Variants in PPP2R5D observed in about 807,000 individuals in gnomAD.
The protein encoded by PPP2R5D is protein phosphatase 2 regulatory subunit B'delta.
Under a neutral mutation model 79.1 loss-of-function variants are expected in PPP2R5D, and 12 were observed. The observed-to-expected ratio is 0.15, with a 90% CI of 0.10 to 0.25. PPP2R5D has a LOEUF of 0.25. Among genes scored for constraint, PPP2R5D ranks in the 10% least tolerant of loss-of-function variants. The probability of loss-of-function intolerance (pLI) is 1.00; values close to 1 mark genes in which losing one functional copy is unlikely to be tolerated. For missense variants in PPP2R5D, 419 were observed against 760.2 expected (o/e 0.55, Z 5.28); for synonymous variants, 277 against 286.6 (o/e 0.97, Z 0.34).
chr6:42,991,050 T>C (rs776625920), intron 2 of PPP2R5D, among the ~76,000 whole-genome samples: 10 of 152,188 alleles, frequency 6.6e-5, no homozygotes, highest in Non-Finnish European at 1.3e-4. Context: ...ATAATCCTTA[T>C]CACTCAGCTC....
chr6:42,999,504 G>A (rs1561844952), intron 2 of PPP2R5D, among the ~76,000 whole-genome samples: 1 of 152,142 alleles, frequency 6.6e-6, no homozygotes, highest in Non-Finnish European at 1.5e-5. Flanking sequence ...ATAACACAAT[G>A]CTAGTGTAGA....
Position 43,011,337 on chromosome 6 carries a change from G to T in PPP2R5D, c.*51G>T. On this transcript the variant is annotated 3_prime_UTR_variant, in exon 16 of 16. Coordinates refer to ENST00000485511, the MANE Select transcript of PPP2R5D (RefSeq NM_006245.4). ...ACAGCCCACACAGCCCTGGGACACT[G>T]CCCTGGCCCTCCATACTCTGCTCCC... 1.9e-6 allele frequency: 3 copies of T among 1,608,662 alleles called. No homozygotes were observed. Among genetic ancestry groups the T allele is most frequent in the African/African-American group, 2.7e-5 (2 of 74,894 alleles).
intron 1 of PPP2R5D, among the ~76,000 whole-genome samples, chr6:42,986,594 C>A (rs1310196081): frequency 6.6e-6 from 1 of 151,916 alleles, no homozygotes; most frequent in Non-Finnish European, 1.5e-5. Flanking sequence ...CAGGCCCTGT[C>A]CTTGGGGAGT....
chr6:43,008,170 G>A lies in PPP2R5D; in HGVS notation c.858-31G>A. On this transcript the variant is annotated intron_variant, in intron 7 of 15. Coordinates refer to ENST00000485511, the MANE Select transcript of PPP2R5D (RefSeq NM_006245.4). This position sits in a 1 kb window ranked among gnomAD's most constrained non-coding sequence, Gnocchi z 4.2. ...ACAGAATGCTGGAGGGACATCAGGG[G>A]TTGTCAAGAGAGCCATTTTTCTTCC... The A allele has an allele frequency of 6.2e-7, 1 of 1,612,960 alleles. No homozygotes were observed. Among genetic ancestry groups the A allele is most frequent in the South Asian group, 1.1e-5 (1 of 91,020 alleles).
rs1762088356 is a variant in PPP2R5D, at chr6:43,006,494, C to T, written c.137C>T (p.Pro46Leu). The stretch of plus-strand genomic sequence containing the variant: ...CCGCAGCCCCAGCCCCAGCCCCAGC[C>T]CCAAGCCCAGTCTCAGCCACCGTCA... ...AQPQPQPQPQ[P>L]QAQSQPPSSN... Residue 46 changes from proline to leucine, a missense_variant, in exon 3 of 16, where the codon CCC becomes CTC. Pro to Leu is a moderately conservative substitution (Grantham distance 98, BLOSUM62 -3). Transcript: ENST00000485511. The surrounding 1 kb of genome is among the most constrained non-coding windows in gnomAD (Gnocchi z 4.7). 1.2e-6 allele frequency: 2 copies of T among 1,613,694 alleles called. No individual in the cohort carries two copies. Among genetic ancestry groups the T allele is most frequent in the African/African-American group, 2.7e-5 (2 of 74,878 alleles).
At chr6:42,984,805 G>A in intron 1 of PPP2R5D, 101 bp downstream of exon 1, 2 of 1,534,406 alleles carry the variant, frequency 1.3e-6, no homozygotes, top group Non-Finnish European at 1.8e-6. Context: ...TGACCCTCCC[G>A]TCCAGCCCCC....
At position 43,007,615 on chromosome 6, in the gene PPP2R5D, G is replaced by A; in HGVS notation, c.726+109G>A. ...GCTGAATATATTGGGTTTCATCCATGTCTGGTACGAGGAGGCTATAAAGGG... is the reference window on the plus strand; with the variant it reads ...GCTGAATATATTGGGTTTCATCCATATCTGGTACGAGGAGGCTATAAAGGG... On this transcript the variant is annotated intron_variant, in intron 6 of 15. Coordinates refer to ENST00000485511, the MANE Select transcript of PPP2R5D (RefSeq NM_006245.4). The surrounding 1 kb of genome is among the most constrained non-coding windows in gnomAD (Gnocchi z 4.5). 8.8e-7 allele frequency: 1 copy of A among 1,134,812 alleles called. No homozygotes were observed. Among genetic ancestry groups the A allele is most frequent in the East Asian group, 2.3e-5 (1 of 42,574 alleles). The allele number at this position is 1,134,812 out of a possible 1,614,324, so 70.3% of individuals were successfully genotyped here. A position where few individuals can be genotyped will look rare whatever the true frequency, so the allele number is the denominator to read the frequency against.
Position 43,011,392 on chromosome 6 carries a change from T to C in PPP2R5D, c.*106T>C. 6.9e-7 allele frequency: 1 copy of C among 1,449,930 alleles called. No individual in the cohort carries two copies. Among genetic ancestry groups the C allele is most frequent in the Non-Finnish European group, 9.3e-7 (1 of 1,069,642 alleles). 89.8% of individuals were successfully genotyped at this position (1,449,930 alleles called of 1,614,324 possible). The stretch of plus-strand genomic sequence containing the variant: ...GGCTGTCTTGGGGGAAGGCAGCGCC[T>C]CTCTAGCTACTCAAGGGAGGGGGAT... On this transcript the variant is annotated 3_prime_UTR_variant, in exon 16 of 16. Coordinates refer to ENST00000485511, the MANE Select transcript of PPP2R5D (RefSeq NM_006245.4).
At chr6:42,986,644 A>G (rs191143957) in intron 1 of PPP2R5D, among the ~76,000 whole-genome samples, 3 of 152,134 alleles carry the variant, frequency 2.0e-5, no homozygotes, top group Non-Finnish European at 2.9e-5. Context: ...GTCGTAGACA[A>G]TGCACACAGA....
intron 1 of PPP2R5D, among the ~76,000 whole-genome samples, chr6:42,989,378 C>T (rs1412448860): frequency 2.0e-5 from 3 of 152,204 alleles, no homozygotes; most frequent in African/African-American, 7.2e-5. Context: ...AGCATTCTCA[C>T]GCTGAATTAG....
chr6:43,008,543 C>T lies in PPP2R5D; in HGVS notation c.1026+68C>T. The T allele has an allele frequency of 1.3e-6, 2 of 1,514,500 alleles. No homozygotes were observed. Among genetic ancestry groups the T allele is most frequent in the Admixed American group, 1.7e-5 (1 of 59,480 alleles). The allele number at this position is 1,514,500 out of a possible 1,614,324, so 93.8% of individuals were successfully genotyped here. A position where few individuals can be genotyped will look rare whatever the true frequency, so the allele number is the denominator to read the frequency against. On this transcript the variant is annotated intron_variant, in intron 9 of 15. Transcript: ENST00000485511. The surrounding 1 kb of genome is among the most constrained non-coding windows in gnomAD (Gnocchi z 4.2). ...AGAAAAGAGCCGGCAGGAAAGTGTTCCAGCTGGGATAGGGGAAGCATAGGG... is the reference window on the plus strand; with the variant it reads ...AGAAAAGAGCCGGCAGGAAAGTGTTTCAGCTGGGATAGGGGAAGCATAGGG...
In PPP2R5D at chr6:43,009,947, T is replaced by C. The variant is rs1380402317; in HGVS notation, c.1379+498T>C. On this transcript the variant is annotated intron_variant, in intron 12 of 15. Transcript: ENST00000485511. This position sits in a 1 kb window ranked among gnomAD's most constrained non-coding sequence, Gnocchi z 5.6. ...AGCTGGGTGTAGTGGTGGATGCCTG[T>C]AGTCCCAGCTACTTGGGAGGCTGAG... Among the ~76,000 whole-genome samples, 1 of 152,130 alleles carries C rather than the reference T, an allele frequency of 6.6e-6. No homozygotes were observed. Among genetic ancestry groups the C allele is most frequent in the Admixed American group, 6.5e-5 (1 of 15,274 alleles).
intron 2 of PPP2R5D, among the ~76,000 whole-genome samples, chr6:42,999,574 G>GT (rs1028517903): frequency 3.3e-5 from 5 of 151,930 alleles, no homozygotes; most frequent in African/African-American, 1.2e-4. Flanking sequence ...GTTTTGTTTT[G>GT]TTTTTTTCTG....
Position 43,007,435 on chromosome 6 carries a change from C to T in PPP2R5D, c.655C>T (p.Arg219Cys), listed in dbSNP as rs1762146514. The T allele has an allele frequency of 1.9e-6, 3 of 1,613,290 alleles. No homozygotes were observed. Among genetic ancestry groups the T allele is most frequent in the African/African-American group, 1.3e-5 (1 of 74,904 alleles). The part of the protein sequence containing the change: ...HLQLVYEFFL[R>C]FLESPDFQPN... ...ATAGCTCGTGTATGAGTTCTTCTTA[C>T]GTTTCCTTGAGTCTCCTGATTTCCA... The change falls in exon 6 of 16, where the codon CGT (arginine) becomes TGT (cysteine). Residue 219 changes from arginine (R) to cysteine (C), a missense_variant. By Grantham distance (180) the Arg-to-Cys change is radical. Coordinates refer to ENST00000485511, the MANE Select transcript of PPP2R5D (RefSeq NM_006245.4). This position sits in a 1 kb window ranked among gnomAD's most constrained non-coding sequence, Gnocchi z 4.5.
Position 43,006,537 on chromosome 6 carries a change from C to G in PPP2R5D, c.180C>G (p.Ser60Arg). Reference protein sequence around the residue: ...SQPPSSNKRPSNSTPPPTQLS... With the variant: ...SQPPSSNKRPRNSTPPPTQLS... ...CACCGTCATCCAACAAGCGTCCCAG[C>G]AATAGCACGCCGCCCCCCACGCAGC... Residue 60 changes from serine (S) to arginine (R), a missense_variant, in exon 3 of 16, where the codon AGC (serine) becomes AGG (arginine). Ser to Arg is a moderately radical substitution (Grantham distance 110). This residue lies in a region of PPP2R5D where 110 missense variants were observed against 147.6 expected (regional missense o/e 0.75). Coordinates refer to ENST00000485511, the MANE Select transcript of PPP2R5D (RefSeq NM_006245.4). This position sits in a 1 kb window ranked among gnomAD's most constrained non-coding sequence, Gnocchi z 4.7. The G allele has an allele frequency of 6.2e-7, 1 of 1,614,130 alleles. No individual in the cohort carries two copies. The highest frequency in any genetic ancestry group is 8.5e-7 in the Non-Finnish European group (1 of 1,180,044).
At position 43,010,526 on chromosome 6, in the gene PPP2R5D, C is replaced by G; in HGVS notation, c.1438C>G (p.Leu480Val). ...LKLFMEMNQK[L>V]FDDCTQQYKA... ...GTTGTTTATGGAAATGAATCAGAAG[C>G]TGTTTGATGACTGCACACAACAATA... Residue 480 changes from leucine to valine, a missense_variant, in exon 13 of 16, where the codon CTG (leucine) becomes GTG (valine). Physicochemically the swap from Leu to Val is conservative, Grantham distance 32. Around this residue, in one of 5 missense-constraint regions of PPP2R5D, gnomAD observed 196 missense variants for 424.5 expected, o/e 0.46. Transcript: ENST00000485511. This position sits in a 1 kb window ranked among gnomAD's most constrained non-coding sequence, Gnocchi z 4.7. 6.2e-7 allele frequency: 1 copy of G among 1,614,108 alleles called. No individual in the cohort carries two copies. The highest frequency in any genetic ancestry group is 8.5e-7 in the Non-Finnish European group (1 of 1,180,020).
intron 2 of PPP2R5D, among the ~76,000 whole-genome samples, chr6:42,991,743 G>A (rs1056790912): frequency 2.0e-5 from 3 of 152,186 alleles, no homozygotes; most frequent in Admixed American, 2.0e-4. Context: ...AACGTTATCA[G>A]TTCATAGATG....
At chr6:42,988,930 C>G (rs1771049493) in intron 1 of PPP2R5D, among the ~76,000 whole-genome samples, 1 of 152,212 alleles carries the variant, frequency 6.6e-6, no homozygotes, top group Non-Finnish European at 1.5e-5. Flanking sequence ...CAGGCCAGGG[C>G]TCTGAGCCAG....
Position 43,011,406 on chromosome 6 carries a change from A to C in PPP2R5D, c.*120A>C. 1 of 1,362,452 alleles carries C rather than the reference A, an allele frequency of 7.3e-7. No homozygotes were observed. The highest frequency in any genetic ancestry group is 9.9e-7 in the Non-Finnish European group (1 of 1,005,734). 84.4% of individuals were successfully genotyped at this position (1,362,452 alleles called of 1,614,324 possible). The stretch of plus-strand genomic sequence containing the variant: ...AAGGCAGCGCCTCTCTAGCTACTCA[A>C]GGGAGGGGGATGTGGGCACTTGAAG... On this transcript the variant is annotated 3_prime_UTR_variant, in exon 16 of 16. Transcript: ENST00000485511.
Sources: allele counts gnomAD v4.1 joint callset (sites outside exome capture counted in the v4.1 genomes callset), GRCh38; gene constraint gnomAD v4.1.1; regional missense constraint gnomAD v4.1.1; non-coding constraint Gnocchi (gnomAD v3.1); transcripts MANE v1.5; gene names NCBI Gene and HGNC (gene_info 2026-07-23, HGNC 2026-07-21).